CFAP61: variants seen among roughly 807,000 people sequenced by gnomAD.
CFAP61 encodes the protein cilia and flagella associated protein 61, also known as cilia- and flagella-associated protein 61.
CFAP61 carries 107 observed loss-of-function variants against 135.6 expected under a neutral mutation model. The ratio of observed to expected loss-of-function variants is 0.79; its 90% confidence interval spans 0.67 to 0.93. CFAP61 has a LOEUF of 0.93. Ranked by LOEUF, CFAP61 falls within the 40% of genes least tolerant of loss-of-function variation. The pLI is 0.00. For synonymous variants in CFAP61, 575 were observed against 578.5 expected (o/e 0.99, Z 0.09); for missense variants, 1,507 against 1,556.2 (o/e 0.97, Z 0.53).
chr20:20,195,421 G>A (rs2056214994), intron 15 of CFAP61, among the ~76,000 whole-genome samples: 1 of 152,186 alleles, frequency 6.6e-6, no homozygotes, highest in Non-Finnish European at 1.5e-5. Flanking sequence ...CATTTTGGGT[G>A]CGTTTACTGC....
rs1424979800 is a variant in CFAP61 at position 20,288,826 on chromosome 20, A to G, written c.3014A>G (p.Gln1005Arg). Reference sequence around the variant, plus strand: ...TTCAGTTCCAAAGAAATTGGCTTTCAGCTGGCAGCAGCTATGCTACATCTC... The same window carrying G: ...TTCAGTTCCAAAGAAATTGGCTTTCGGCTGGCAGCAGCTATGCTACATCTC... ...SNFSSKEIGF[Q>R]LAAAMLHLFD... The change falls in exon 23 of 27, where the codon CAG (glutamine) becomes CGG (arginine). Residue 1005 changes from glutamine to arginine, a missense_variant. Gln to Arg is a conservative substitution (Grantham distance 43). Transcript: ENST00000245957. 6.2e-7 allele frequency: 1 copy of G among 1,614,080 alleles called. No individual in the cohort carries two copies. The highest frequency in any genetic ancestry group is 8.5e-7 in the Non-Finnish European group (1 of 1,180,022).
chr20:20,158,468 C>A (rs1438168823), intron 9 of CFAP61, among the ~76,000 whole-genome samples: 1 of 151,776 alleles, frequency 6.6e-6, no homozygotes, highest in Non-Finnish European at 1.5e-5. Flanking sequence ...TACAACTACA[C>A]GTCTATTAGA....
At chr20:20,191,314 G>T (rs757020364) in intron 14 of CFAP61, 28 bp from the exon 15 acceptor site, 17 of 1,584,150 alleles carry the variant, frequency 1.1e-5, no homozygotes, top group Admixed American at 8.4e-5. Context: ...ATTTTTAAGG[G>T]TCTTAAAATA....
intron 1 of CFAP61, among the ~76,000 whole-genome samples, chr20:20,055,405 G>A (rs1600298116): frequency 6.6e-6 from 1 of 152,066 alleles, no homozygotes; most frequent in Non-Finnish European, 1.5e-5. Flanking sequence ...TCTTGGGCTG[G>A]TGAGTTTAAT....
At chr20:20,298,918 C>T (rs2055854061) in intron 25 of CFAP61, among the ~76,000 whole-genome samples, 1 of 152,194 alleles carries the variant, frequency 6.6e-6, no homozygotes, top group Admixed American at 6.5e-5. Context: ...TTTTCAAACT[C>T]TTAAGACACA....
At chr20:20,321,644 C>T (rs2057522126) in intron 25 of CFAP61, among the ~76,000 whole-genome samples, 1 of 152,196 alleles carries the variant, frequency 6.6e-6, no homozygotes, top group African/African-American at 2.4e-5. Flanking sequence ...GACTGGCTTT[C>T]TCTGCTTCCC....
chr20:20,248,702 C>T (rs780320592), intron 19 of CFAP61, among the ~76,000 whole-genome samples: 4 of 152,158 alleles, frequency 2.6e-5, no homozygotes, highest in Admixed American at 6.6e-5. Flanking sequence ...CTTTCCAGCT[C>T]GGAAGAGTCA....
At chr20:20,306,434 C>G (rs542489703) in intron 25 of CFAP61, among the ~76,000 whole-genome samples, 2 of 152,226 alleles carry the variant, frequency 1.3e-5, no homozygotes, top group South Asian at 4.2e-4. Flanking sequence ...TGTATAAATT[C>G]TGATTTCAAG....
At chr20:20,340,006 G>T (rs1184133065) in intron 25 of CFAP61, among the ~76,000 whole-genome samples, 1 of 152,166 alleles carries the variant, frequency 6.6e-6, no homozygotes, top group Non-Finnish European at 1.5e-5. Context: ...CTTCACCTGG[G>T]AGCCTGTAGC....
chr20:20,325,332 G>A (rs1390478877), intron 25 of CFAP61, among the ~76,000 whole-genome samples: 2 of 152,180 alleles, frequency 1.3e-5, no homozygotes, highest in African/African-American at 4.8e-5. Flanking sequence ...CCACCTTACA[G>A]TGTGAAACAG....
At chr20:20,123,395 T>G (rs2049824056) in intron 8 of CFAP61, among the ~76,000 whole-genome samples, 1 of 151,832 alleles carries the variant, frequency 6.6e-6, no homozygotes, top group Non-Finnish European at 1.5e-5. Context: ...AGAATTTTTA[T>G]GGTTTCAGGT....
chr20:20,180,561 G>C (rs559659142), intron 13 of CFAP61, among the ~76,000 whole-genome samples: 1 of 152,208 alleles, frequency 6.6e-6, no homozygotes, highest in East Asian at 1.9e-4. Context: ...CTCTATTTGT[G>C]GGAGTGTAAA....
intron 6 of CFAP61, among the ~76,000 whole-genome samples, chr20:20,076,920 G>A (rs567912648): frequency 6.6e-6 from 1 of 152,230 alleles, no homozygotes; most frequent in East Asian, 1.9e-4. Context: ...TAAGCGTATT[G>A]TCTACAGCAC....
rs375888419 is a variant in CFAP61, at chr20:20,111,850, C to T, written c.859+13036C>T. ...ATTTTATTCATCAGTTCATTTAGTC[C>T]AATGTAATTAATTCTTGTTCTGCTT... On this transcript the variant is annotated intron_variant, in intron 8 of 26. Transcript: ENST00000245957. 2.6e-5 allele frequency among the ~76,000 whole-genome samples: 4 copies of T among 152,084 alleles called. 1 individual carries two copies. Among genetic ancestry groups the T allele is most frequent in the African/African-American group, 7.2e-5 (3 of 41,474 alleles).
chr20:20,300,614 T>G (rs1343775539), intron 25 of CFAP61, among the ~76,000 whole-genome samples: 1 of 151,730 alleles, frequency 6.6e-6, no homozygotes, highest in East Asian at 1.9e-4. Context: ...TTTGTTTTTT[T>G]TTTTTTTTGA....
chr20:20,166,328 C>T, intron 11 of CFAP61, 69 bp from the exon 12 acceptor site: 1 of 1,321,028 alleles, frequency 7.6e-7, no homozygotes, highest in Admixed American at 1.7e-5. Context: ...AGCTGTAAAT[C>T]TCTGTAAACG....
At chr20:20,215,979 C>T (rs1472711760) in intron 17 of CFAP61, among the ~76,000 whole-genome samples, 2 of 152,172 alleles carry the variant, frequency 1.3e-5, no homozygotes, top group African/African-American at 4.8e-5. Flanking sequence ...GCTATTGTGC[C>T]TGTTTGATAA....
chr20:20,136,764 C>T (rs4814946), intron 8 of CFAP61, among the ~76,000 whole-genome samples: 137,259 of 152,230 alleles, frequency 0.9, 62,687 homozygotes, highest in Middle Eastern at 0.99. Context: ...GTTAGTCTGG[C>T]GAAGTCATGT....
intron 7 of CFAP61, among the ~76,000 whole-genome samples, chr20:20,096,081 C>T (rs186972099): frequency 2.1e-4 from 32 of 152,308 alleles, no homozygotes; most frequent in Middle Eastern, 3.4e-3. Context: ...AAAAGTACTT[C>T]TGTCACCAGG....
Sources: gnomAD v4.1 joint callset for allele counts (sites outside exome capture counted in the v4.1 genomes callset) on GRCh38, gnomAD v4.1.1 for gene constraint, MANE v1.5 for transcripts, NCBI Gene and HGNC (gene_info 2026-07-23, HGNC 2026-07-21) for gene names.